FLT1: variants seen among roughly 807,000 people sequenced by gnomAD.
FLT1 encodes the protein fms related receptor tyrosine kinase 1, also known as vascular endothelial growth factor receptor 1.
A neutral mutation model predicts 156.3 loss-of-function variants in FLT1; 49 were observed. The observed-to-expected ratio is 0.31, with a 90% CI of 0.25 to 0.40. FLT1 has a LOEUF of 0.40. Among genes scored for constraint, FLT1 ranks in the 10% least tolerant of loss-of-function variants. The pLI is 1.00. For missense variants in FLT1, 1,322 were observed against 1,637.2 expected (o/e 0.81, Z 3.32); for synonymous variants, 594 against 583.8 (o/e 1.02, Z -0.25).
chr13:28,309,911 A>G (rs1870927841), intron 27 of FLT1, among the ~76,000 whole-genome samples: 2 of 91,472 alleles, frequency 2.2e-5, no homozygotes, highest in African/African-American at 8.1e-5. Flanking sequence ...TTTTTTGGAG[A>G]CAGAGCCTTG....
Position 28,389,915 on chromosome 13 carries a change from A to G in FLT1, c.1850T>C (p.Ile617Thr). ...ATTCATGATGGTAAGATTAAGAGTG[A>G]TGGAGTGCTCCTTAGTGATGGCCAT... ...QKMAITKEHS[I>T]TLNLTIMNVS... Residue 617 changes from isoleucine to threonine, a missense_variant, in exon 13 of 30, where the codon ATC becomes ACC. This residue lies in a region of FLT1 where 991 missense variants were observed against 1,254.8 expected (regional missense o/e 0.79). Coordinates refer to ENST00000282397, the MANE Select transcript of FLT1 (RefSeq NM_002019.4). 4 of 1,614,196 alleles carry G rather than the reference A, an allele frequency of 2.5e-6. No individual in the cohort carries two copies. The South Asian group carries it at 4.4e-5, about 18-fold the overall frequency.
chr13:28,387,341 A>G lies in FLT1; in HGVS notation c.1970-2310T>C, dbSNP rs1251528286. Reference sequence around the variant, plus strand: ...ATCAACCCAAGAATCATATTTTGTCAATTCTTACTTTATACATTATAATAA... The same window carrying G: ...ATCAACCCAAGAATCATATTTTGTCGATTCTTACTTTATACATTATAATAA... On this transcript the variant is annotated intron_variant, in intron 13 of 29. Transcript: ENST00000282397. 6.7e-6 allele frequency: 7 copies of G among 1,047,802 alleles called. No homozygotes were observed. The East Asian group carries it at 2.2e-4, about 33-fold the overall frequency. 64.9% of individuals were successfully genotyped at this position (1,047,802 alleles called of 1,614,324 possible). A position where few individuals can be genotyped will look rare whatever the true frequency, so the allele number is the denominator to read the frequency against.
Position 28,412,330 on chromosome 13 carries a change from T to TTTCTTTTCTTTC in FLT1, c.1437-6437_1437-6436insGAAAGAAAAGAA, listed in dbSNP as rs1476195337. ...TTCTCTTTCTTTCTTTCTTTCTTTC[T>TTTCTTTTCTTTC]TTTCTTTCTTTCTTTCTTTCTCTTT... On this transcript the variant is annotated intron_variant, in intron 10 of 29. Transcript: ENST00000282397. 4.3e-5 allele frequency among the ~76,000 whole-genome samples: 4 copies of TTTCTTTTCTTTC among 92,556 alleles called. 1 individual carries two copies. Among genetic ancestry groups the TTTCTTTTCTTTC allele is most frequent in the Non-Finnish European group, 9.0e-5 (4 of 44,670 alleles). 60.7% of individuals were successfully genotyped at this position (92,556 alleles called of 152,430 possible).
chr13:28,390,548 A>C (rs1422634941), intron 12 of FLT1, among the ~76,000 whole-genome samples: 1 of 152,080 alleles, frequency 6.6e-6, no homozygotes, highest in Admixed American at 6.5e-5. Context: ...GGCGTGCATC[A>C]CCACGCTGGG....
chr13:28,370,274 A>G (rs1397605476), intron 14 of FLT1, among the ~76,000 whole-genome samples: 1 of 152,150 alleles, frequency 6.6e-6, no homozygotes, highest in Non-Finnish European at 1.5e-5. Flanking sequence ...TTCATTTGGG[A>G]TAATGTCTAT....
intron 14 of FLT1, among the ~76,000 whole-genome samples, chr13:28,381,916 A>G (rs1874094600): frequency 6.6e-6 from 1 of 152,230 alleles, no homozygotes; most frequent in East Asian, 1.9e-4. Flanking sequence ...TTATTCATTC[A>G]TTCATGGAAC....
chr13:28,444,694 A>T (rs1878514600), intron 3 of FLT1, among the ~76,000 whole-genome samples: 1 of 152,254 alleles, frequency 6.6e-6, no homozygotes, highest in African/African-American at 2.4e-5. Flanking sequence ...AGTGGAATGC[A>T]ATTAAAAATC....
intron 29 of FLT1, 57 bp downstream of exon 29, chr13:28,306,621 G>A (rs1179635412): frequency 5.0e-6 from 6 of 1,190,178 alleles, no homozygotes; most frequent in Non-Finnish European, 7.6e-6. Context: ...CCTTCCCCCA[G>A]CATCTCCCCT....
intron 10 of FLT1, among the ~76,000 whole-genome samples, chr13:28,411,083 G>A (rs1190725206): frequency 6.6e-6 from 1 of 152,072 alleles, no homozygotes; most frequent in African/African-American, 2.4e-5. Flanking sequence ...GTTTTTAAGA[G>A]GGAGAAAGAA....
intron 10 of FLT1, among the ~76,000 whole-genome samples, chr13:28,423,041 G>T (rs1201352065): frequency 6.6e-6 from 1 of 152,050 alleles, no homozygotes; most frequent in Non-Finnish European, 1.5e-5. Flanking sequence ...GTTCATGGAG[G>T]ACTGTAAGAT....
intron 3 of FLT1, chr13:28,466,630 C>T: frequency 2.1e-6 from 1 of 484,698 alleles, no homozygotes; most frequent in Non-Finnish European, 3.7e-6. Flanking sequence ...ATTCATCCAA[C>T]TATGGGCCAC....
chr13:28,480,676 T>C (rs977100467), intron 1 of FLT1, among the ~76,000 whole-genome samples: 5 of 152,322 alleles, frequency 3.3e-5, no homozygotes, highest in East Asian at 3.9e-4. Flanking sequence ...CAGTTTCACA[T>C]ACATTTCCTT....
At chr13:28,378,182 G>A (rs1873926449) in intron 14 of FLT1, among the ~76,000 whole-genome samples, 4 of 151,690 alleles carry the variant, frequency 2.6e-5, no homozygotes, top group Admixed American at 2.6e-4. Context: ...CTGAGTAGCT[G>A]GGGCTATCAG....
intron 3 of FLT1, among the ~76,000 whole-genome samples, chr13:28,466,245 T>A (rs1465401951): frequency 1.3e-5 from 2 of 152,238 alleles, no homozygotes; most frequent in Admixed American, 1.3e-4. Flanking sequence ...TTGTTCATTC[T>A]CTAAGGAAGG....
Position 28,311,585 on chromosome 13 carries a change from C to A in FLT1, c.3635+5G>T, listed in dbSNP as rs2138813585. ...GTGATATAAAGTTTGAGAAAGAAAT[C>A]TTACCTGACATCATCAGAGCTTCCT... On this transcript the variant is annotated splice_donor_5th_base_variant and intron_variant, in intron 27 of 29. Transcript: ENST00000282397. 1 of 1,611,864 alleles carries A rather than the reference C, an allele frequency of 6.2e-7. No homozygotes were observed.
chr13:28,394,371 T>C (rs2137467883), intron 12 of FLT1, among the ~76,000 whole-genome samples: 1 of 152,264 alleles, frequency 6.6e-6, no homozygotes, highest in East Asian at 1.9e-4. Flanking sequence ...TGGATAAGCC[T>C]TGGGATCTAG....
At chr13:28,309,793 G>C (rs1870919333) in intron 27 of FLT1, among the ~76,000 whole-genome samples, 1 of 151,934 alleles carries the variant, frequency 6.6e-6, no homozygotes, top group Admixed American at 6.6e-5. Context: ...GAACAGTGAG[G>C]CTGACCTGTA....
At chr13:28,460,289 A>G (rs533042482) in intron 3 of FLT1, among the ~76,000 whole-genome samples, 2 of 152,358 alleles carry the variant, frequency 1.3e-5, no homozygotes, top group South Asian at 4.1e-4. Context: ...ACTTCTGAAC[A>G]ATAGTTATTC....
At chr13:28,457,871 A>G (rs1461717257) in intron 3 of FLT1, among the ~76,000 whole-genome samples, 1 of 150,410 alleles carries the variant, frequency 6.6e-6, no homozygotes, top group African/African-American at 2.5e-5. Flanking sequence ...AATATGGTCA[A>G]TTTTATTACC....
Sources: allele counts gnomAD v4.1 joint callset (sites outside exome capture counted in the v4.1 genomes callset), GRCh38; gene constraint gnomAD v4.1.1; regional missense constraint gnomAD v4.1.1; transcripts MANE v1.5; gene names NCBI Gene and HGNC (gene_info 2026-07-23, HGNC 2026-07-21).